IKZF4: variants seen among roughly 807,000 people sequenced by gnomAD.
IKZF4 encodes the protein zinc finger protein Eos.
Under a neutral mutation model 47.7 loss-of-function variants are expected in IKZF4, and 11 were observed. The observed-to-expected ratio is 0.23, with a 90% CI of 0.15 to 0.38. The LOEUF is 0.38. IKZF4 is among the 10% of genes least tolerant of loss of function. The probability of loss-of-function intolerance (pLI) is 1.00; values close to 1 mark genes in which losing one functional copy is unlikely to be tolerated. For missense variants in IKZF4, 557 were observed against 784.9 expected (o/e 0.71, Z 3.47); for synonymous variants, 298 against 299.4 (o/e 1.00, Z 0.05).
At chr12:56,024,958 T>G (rs1347305671) in intron 2 of IKZF4, 96 bp from the exon 3 acceptor site, 1 of 1,541,684 alleles carries the variant, frequency 6.5e-7, no homozygotes, top group Non-Finnish European at 8.7e-7. Flanking sequence ...AAGGAAATGT[T>G]TGTGAAATTT....
upstream of IKZF4, among the ~76,000 whole-genome samples, chr12:56,019,997 A>C (rs1892633971): frequency 6.6e-6 from 1 of 152,250 alleles, no homozygotes; most frequent in African/African-American, 2.4e-5. Context: ...ATTAGCCCTG[A>C]AAAGTACCCC....
chr12:56,028,853 G>A (rs930473431), intron 5 of IKZF4, among the ~76,000 whole-genome samples: 3 of 139,900 alleles, frequency 2.1e-5, no homozygotes, highest in Admixed American at 2.1e-4. Flanking sequence ...TGGGATTACA[G>A]GCGTGGTGTC....
At chr12:56,018,626 TG>T (rs1592902842), upstream of IKZF4, among the ~76,000 whole-genome samples, 1 of 151,576 alleles carries the variant, frequency 6.6e-6, no homozygotes, top group Non-Finnish European at 1.5e-5. Context: ...AAAAGAATGG[TG>T]GGGGCTGTCA....
chr12:56,033,248 G>A lies in IKZF4; in HGVS notation c.924G>A (p.Glu308=), dbSNP rs546141528. The change falls in exon 7 of 8, where the codon GAG becomes GAA. Residue 308 remains glutamate (E), a synonymous_variant. Coordinates refer to ENST00000547167, the MANE Select transcript of IKZF4 (RefSeq NM_022465.4). ...ACTCCATGCTGCACTCATCCTCTGA[G>A]CGGCCAACTTTCATCGATCGTCTGG... is the stretch of plus-strand genomic sequence containing the variant. ...VPDSMLHSSS[E]RPTFIDRLAN... 1.3e-5 allele frequency: 21 copies of A among 1,613,876 alleles called. No homozygotes were observed. The highest frequency in any genetic ancestry group is 1.5e-5 in the Non-Finnish European group (18 of 1,179,902).
In IKZF4 at chr12:56,032,668, C is replaced by T. The variant is rs770249372; in HGVS notation, c.823C>T (p.Gln275Ter). The change falls in exon 6 of 8, where the codon CAG becomes TAG. Residue 275 changes from glutamine (Q) to a stop codon, truncating the protein, a stop_gained. Coordinates refer to ENST00000547167, the MANE Select transcript of IKZF4 (RefSeq NM_022465.4). LOFTEE classifies it high-confidence loss of function. Reference protein sequence around the residue: ...EHKERCHNYLQSLSTEAQALA... With the variant: ...EHKERCHNYL ...CAAGGAGCGGTGCCATAACTACCTA[C>T]AGAGTCTCAGCACTGAAGCCCAAGC... 6.2e-7 allele frequency: 1 copy of T among 1,614,048 alleles called. No individual in the cohort carries two copies. The highest frequency in any genetic ancestry group is 1.3e-5 in the African/African-American group (1 of 75,054).
At position 56,034,976 on chromosome 12, in the gene IKZF4, C is replaced by T. The variant is rs375455554; in HGVS notation, c.1403C>T (p.Ala468Val). Residue 468 changes from alanine (A) to valine (V), a missense_variant, in exon 8 of 8, where the codon GCG (alanine) becomes GTG (valine). Physicochemically the swap from Ala to Val is moderately conservative, Grantham distance 64. This residue lies in a region of IKZF4 where 280 missense variants were observed against 314.0 expected (regional missense o/e 0.89). Transcript: ENST00000547167. The stretch of plus-strand genomic sequence containing the variant: ...GAAAGCAACCACGAAGATCGGGTTG[C>T]GGGGGTGGTATCCCTCCCTCAGGGT... ...DTESNHEDRV[A>V]GVVSLPQGPP... is the part of the protein sequence containing the mutation. 4.5e-6 allele frequency: 7 copies of T among 1,560,414 alleles called. No homozygotes were observed. Among genetic ancestry groups the T allele is most frequent in the South Asian group, 1.2e-5 (1 of 82,462 alleles).
intron 5 of IKZF4, chr12:56,029,783 T>A (rs892821956): frequency 6.6e-6 from 1 of 152,088 alleles, no homozygotes; most frequent in African/African-American, 2.4e-5. Flanking sequence ...GGGGGAAAAA[T>A]GAGTTGCGGG....
chr12:56,023,841 C>T (rs551587768), intron 2 of IKZF4, 77 bp downstream of exon 2: 8 of 1,553,024 alleles, frequency 5.2e-6, no homozygotes, highest in Admixed American at 2.0e-5. Flanking sequence ...GGCTTCCTCT[C>T]TCTTTCTTGC....
chr12:56,019,746 C>A (rs1892602778), upstream of IKZF4, among the ~76,000 whole-genome samples: 1 of 152,188 alleles, frequency 6.6e-6, no homozygotes, highest in South Asian at 2.1e-4. Flanking sequence ...CTGTGGAGCT[C>A]TTTTCAAACC....
At position 56,021,187 on chromosome 12, in the gene IKZF4, A is replaced by C; in HGVS notation, c.-307A>C. 2.2e-6 allele frequency: 3 copies of C among 1,337,958 alleles called. No homozygotes were observed. Among genetic ancestry groups the C allele is most frequent in the South Asian group, 3.5e-5 (2 of 56,760 alleles). The allele number at this position is 1,337,958 out of a possible 1,614,324, so 82.9% of individuals were successfully genotyped here. A position where few individuals can be genotyped will look rare whatever the true frequency, so the allele number is the denominator to read the frequency against. On this transcript the variant is annotated 5_prime_UTR_variant, in exon 1 of 8. Transcript: ENST00000547167. ...TCTTGGAAAAGGGATGCTGTAGCCT[A>C]GCATCTCCCCCACTATATACACATA...
intron 2 of IKZF4, chr12:56,024,698 A>G: frequency 8.9e-7 from 1 of 1,128,992 alleles, no homozygotes; most frequent in Non-Finnish European, 1.1e-6. Flanking sequence ...GAGGAACAGT[A>G]GGGAAGAATG....
chr12:56,033,993 A>G (rs1037678556), intron 7 of IKZF4, among the ~76,000 whole-genome samples: 2 of 152,020 alleles, frequency 1.3e-5, no homozygotes, highest in African/African-American at 2.4e-5. Context: ...TCTGTCTCCC[A>G]GGTTCACGCC....
At position 56,032,608 on chromosome 12, in the gene IKZF4, C is replaced by T. The variant is rs904322055; in HGVS notation, c.763C>T (p.Arg255Trp). The T allele has an allele frequency of 6.2e-7, 1 of 1,613,910 alleles. No homozygotes were observed. Among genetic ancestry groups the T allele is most frequent in the Non-Finnish European group, 8.5e-7 (1 of 1,179,844 alleles). ...GKPYKCNYCG[R>W]SYKQQSTLEE... ...GCCCTACAAGTGTAACTACTGTGGC[C>T]GGAGCTACAAACAGCAGAGTACCCT... is the stretch of plus-strand genomic sequence containing the variant. The change falls in exon 6 of 8, where the codon CGG (arginine) becomes TGG (tryptophan). Residue 255 changes from arginine (R) to tryptophan (W), a missense_variant. Coordinates refer to ENST00000547167, the MANE Select transcript of IKZF4 (RefSeq NM_022465.4).
intron 6 of IKZF4, 83 bp from the exon 7 acceptor site, chr12:56,033,104 CCTG>C (rs1388721063): frequency 6.5e-7 from 1 of 1,526,822 alleles, no homozygotes; most frequent in African/African-American, 1.4e-5. Flanking sequence ...TGGCTACTGA[CCTG>C]CTGGTTTTCT....
chr12:56,022,800 T>A (rs955516903), intron 1 of IKZF4, among the ~76,000 whole-genome samples: 1 of 146,300 alleles, frequency 6.8e-6, no homozygotes, highest in Non-Finnish European at 1.5e-5. Flanking sequence ...AGTGTTTCTT[T>A]TTTTTTTTTT....
In IKZF4 at chr12:56,025,107, T is replaced by C; in HGVS notation, c.235T>C (p.Ser79Pro). The C allele has an allele frequency of 6.2e-7, 1 of 1,604,166 alleles. No individual in the cohort carries two copies. The highest frequency in any genetic ancestry group is 8.5e-7 in the Non-Finnish European group (1 of 1,175,692). Reference protein sequence around the residue: ...KEFLGAPVGPSVSTPNSQHSS... With the variant: ...KEFLGAPVGPPVSTPNSQHSS... ...GTTCCTCGGGGCCCCAGTGGGGCCC[T>C]CGGTGAGCACCCCCAACAGCCAGCA... The change falls in exon 3 of 8, where the codon TCG becomes CCG. Residue 79 changes from serine (S) to proline (P), a missense_variant. Ser to Pro is a moderately conservative substitution (Grantham distance 74, BLOSUM62 -1). Around this residue, in one of 6 missense-constraint regions of IKZF4, gnomAD observed 112 missense variants for 168.2 expected, o/e 0.67. Coordinates refer to ENST00000547167, the MANE Select transcript of IKZF4 (RefSeq NM_022465.4).
intron 3 of IKZF4, 105 bp downstream of exon 3, chr12:56,025,263 T>A: frequency 7.9e-7 from 1 of 1,267,424 alleles, no homozygotes; most frequent in Non-Finnish European, 1.1e-6. Flanking sequence ...CACCTCCTGC[T>A]GGTCTCCTGC....
intron 7 of IKZF4, among the ~76,000 whole-genome samples, chr12:56,034,066 AT>A (rs1196413117): frequency 3.3e-5 from 5 of 151,588 alleles, no homozygotes; most frequent in Admixed American, 2.0e-4. Flanking sequence ...TGCCCGGCTA[AT>A]TTTTTTTGTA....
intron 2 of IKZF4, among the ~76,000 whole-genome samples, chr12:56,015,913 G>T (rs1891984090): frequency 6.6e-6 from 1 of 152,138 alleles, no homozygotes; most frequent in Non-Finnish European, 1.5e-5. Context: ...ACCACTTATT[G>T]TGTGGCTTGT....
Sources: gnomAD v4.1 joint callset for allele counts (sites outside exome capture counted in the v4.1 genomes callset) on GRCh38, gnomAD v4.1.1 for gene constraint, gnomAD v4.1.1 regional missense constraint, MANE v1.5 for transcripts, NCBI Gene and HGNC (gene_info 2026-07-23, HGNC 2026-07-21) for gene names.